The following GPR160 variants were observed in gnomAD, a reference collection of about 807,000 sequenced individuals.
The protein encoded by GPR160 is probable G protein-coupled receptor 160.
Under a neutral mutation model 2.6 loss-of-function variants are expected in GPR160, and 2 were observed. The observed-to-expected ratio is 0.77, with a 90% CI of 0.32 to 2.44. The LOEUF (loss-of-function observed/expected upper bound fraction) is 2.44. GPR160 is among the 30% of genes most tolerant of loss of function. GPR160 has a pLI of 0.11. For missense variants in GPR160, 351 were observed against 383.6 expected (o/e 0.91, Z 0.71); for synonymous variants, 130 against 132.2 (o/e 0.98, Z 0.12).
intron 2 of GPR160, among the ~76,000 whole-genome samples, chr3:170,054,095 G>A (rs900767874): frequency 4.6e-5 from 6 of 131,004 alleles, no homozygotes; most frequent in East Asian, 2.8e-4. Flanking sequence ...AAAAAGCAGC[G>A]TTTGTGTGTG....
intron 2 of GPR160, among the ~76,000 whole-genome samples, chr3:170,054,043 A>G (rs920616667): frequency 3.9e-5 from 6 of 152,034 alleles, no homozygotes; most frequent in African/African-American, 1.2e-4. Flanking sequence ...CATGATTTAG[A>G]CAATTTGAAT....
At chr3:170,054,646 G>C (rs1711542207) in intron 2 of GPR160, among the ~76,000 whole-genome samples, 1 of 151,926 alleles carries the variant, frequency 6.6e-6, no homozygotes, top group African/African-American at 2.4e-5. Context: ...CTAGCTCCTG[G>C]CTACTGTTTA....
chr3:170,076,613 G>C (rs950166887), intron 2 of GPR160, among the ~76,000 whole-genome samples: 1 of 151,488 alleles, frequency 6.6e-6, no homozygotes, highest in Non-Finnish European at 1.5e-5. Context: ...GTGCAATCTC[G>C]GCTCACTGCA....
intron 2 of GPR160, among the ~76,000 whole-genome samples, chr3:170,053,878 A>G (rs1156724960): frequency 6.6e-6 from 1 of 151,862 alleles, no homozygotes; most frequent in East Asian, 1.9e-4. Context: ...CAGTAATGTG[A>G]ATATATTTAT....
chr3:170,080,210 C>T (rs1216009060), intron 3 of GPR160, among the ~76,000 whole-genome samples: 1 of 152,086 alleles, frequency 6.6e-6, no homozygotes, highest in South Asian at 2.1e-4. Context: ...CTGTCTTGTT[C>T]AGGGAGTTGT....
At chr3:170,067,675 C>T (rs1212772818) in intron 2 of GPR160, among the ~76,000 whole-genome samples, 1 of 152,126 alleles carries the variant, frequency 6.6e-6, no homozygotes, top group Non-Finnish European at 1.5e-5. Context: ...TTCACTTTTA[C>T]AGTCATCAGC....
In GPR160 at chr3:170,051,995, G is replaced by A. The variant is rs189886018; in HGVS notation, c.-193+12952G>A. On this transcript the variant is annotated intron_variant, in intron 2 of 3. Coordinates refer to ENST00000355897, the MANE Select transcript of GPR160 (RefSeq NM_014373.3). ...GGCTGGAGTGCAGTGGCGCATTCTC[G>A]GCTCACTGCAACCTCCACCTCCCAG... 2.7e-4 allele frequency among the ~76,000 whole-genome samples: 41 copies of A among 152,116 alleles called. 1 individual carries two copies. Among genetic ancestry groups the A allele is most frequent in the Admixed American group, 1.7e-3 (26 of 15,282 alleles).
chr3:170,075,343 A>C (rs1396886043), intron 2 of GPR160, among the ~76,000 whole-genome samples: 1 of 152,232 alleles, frequency 6.6e-6, no homozygotes, highest in African/African-American at 2.4e-5. Context: ...ATATTCTTAC[A>C]TTTGTATCAT....
At chr3:170,046,210 G>A (rs370889033) in intron 2 of GPR160, among the ~76,000 whole-genome samples, 27 of 152,316 alleles carry the variant, frequency 1.8e-4, no homozygotes, top group African/African-American at 6.5e-4. Flanking sequence ...TTAGGGAAAT[G>A]TTCTCCATGA....
intron 2 of GPR160, among the ~76,000 whole-genome samples, chr3:170,048,704 A>G (rs1018754202): frequency 6.6e-6 from 1 of 152,238 alleles, no homozygotes. Flanking sequence ...TGTATTGTGG[A>G]AGATACAGGA....
chr3:170,075,795 A>G (rs1274122272), intron 2 of GPR160, among the ~76,000 whole-genome samples: 1 of 152,246 alleles, frequency 6.6e-6, no homozygotes, highest in Non-Finnish European at 1.5e-5. Context: ...AAGGAGAAAA[A>G]TAAAAATCAT....
intron 2 of GPR160, among the ~76,000 whole-genome samples, chr3:170,076,647 G>A (rs1576913054): frequency 1.3e-5 from 2 of 151,904 alleles, no homozygotes; most frequent in South Asian, 2.1e-4. Flanking sequence ...AGGTCCAAGC[G>A]ATTCTCCTGC....
intron 3 of GPR160, among the ~76,000 whole-genome samples, chr3:170,081,067 A>AT (rs1245012929): frequency 3.9e-5 from 6 of 152,204 alleles, no homozygotes; most frequent in Non-Finnish European, 8.8e-5. Context: ...GAGACAGATG[A>AT]TTCTATTCTT....
At chr3:170,055,708 C>A (rs1411284682) in intron 2 of GPR160, among the ~76,000 whole-genome samples, 1 of 152,146 alleles carries the variant, frequency 6.6e-6, no homozygotes, top group African/African-American at 2.4e-5. Flanking sequence ...GATCCCGGCT[C>A]ACTGTAAGCT....
At chr3:170,062,825 C>T (rs973620333) in intron 2 of GPR160, 4 of 579,832 alleles carry the variant, frequency 6.9e-6, no homozygotes, top group African/African-American at 1.9e-5. Context: ...TGGTTGAAAG[C>T]GGAAAGGAAA....
At chr3:170,050,094 T>C (rs1716889381) in intron 2 of GPR160, among the ~76,000 whole-genome samples, 1 of 152,016 alleles carries the variant, frequency 6.6e-6, no homozygotes, top group African/African-American at 2.4e-5. Flanking sequence ...AGTTTCACTC[T>C]TGTTGACCAG....
At chr3:170,059,849 C>A (rs9872829) in intron 2 of GPR160, among the ~76,000 whole-genome samples, 2 of 152,102 alleles carry the variant, frequency 1.3e-5, no homozygotes, top group African/African-American at 4.8e-5. Flanking sequence ...CCCACTCCCC[C>A]CTCTAGCAGG....
At chr3:170,062,677 G>T (rs1576901538) in intron 2 of GPR160, 2 of 1,438,614 alleles carry the variant, frequency 1.4e-6, no homozygotes, top group Non-Finnish European at 1.9e-6. Context: ...CCTTGAAATA[G>T]CCCATCAAGG....
intron 2 of GPR160, among the ~76,000 whole-genome samples, chr3:170,066,301 C>T (rs990737002): frequency 6.6e-5 from 10 of 151,610 alleles, no homozygotes; most frequent in African/African-American, 9.7e-5. Flanking sequence ...TCACCACGCC[C>T]GGCTAATTTT....
Sources: gnomAD v4.1 joint callset for allele counts (sites outside exome capture counted in the v4.1 genomes callset) on GRCh38, gnomAD v4.1.1 for gene constraint, MANE v1.5 for transcripts, NCBI Gene and HGNC (gene_info 2026-07-23, HGNC 2026-07-21) for gene names.